FNIP1: variants seen among roughly 807,000 people sequenced by gnomAD.
FNIP1 encodes folliculin-interacting protein 1.
In FNIP1, 40 loss-of-function variants were observed where a neutral mutation model predicts 124.5. The ratio of observed to expected loss-of-function variants is 0.32; its 90% CI spans 0.25 to 0.42. The LOEUF (loss-of-function observed/expected upper bound fraction) is 0.42, where lower values mean the gene tolerates loss of function less well. FNIP1 is among the 10% of genes least tolerant of loss of function. The pLI, the probability that FNIP1 is intolerant of heterozygous loss-of-function variation, is 1.00. For missense variants in FNIP1, 1,176 were observed against 1,403.7 expected, an observed-to-expected ratio of 0.84 and a Z score of 2.59; for synonymous variants, 472 against 470.6, an observed-to-expected ratio of 1.00 and a Z score of -0.04.
rs10625130 is a variant in FNIP1 at position 131,647,416 on chromosome 5, C to CTTT, written c.3307-214_3307-212dup. Among the ~76,000 whole-genome samples, 1,104 of 147,022 alleles carry CTTT rather than the reference C, an allele frequency of 7.5e-3. 7 individuals carry two copies. The highest frequency in any genetic ancestry group is 0.016 in the African/African-American group (655 of 40,176). On this transcript the variant is annotated intron_variant, in intron 16 of 17. Transcript: ENST00000510461. ...TATCAAAGATTAGCTTCTACAGCGT[C>CTTT]TTTTTTTTTTTTTAACTGTGCAAAA...
intron 2 of FNIP1, among the ~76,000 whole-genome samples, chr5:131,733,265 C>T (rs910728709): frequency 2.6e-5 from 4 of 152,196 alleles, no homozygotes; most frequent in Admixed American, 6.5e-5. Context: ...ACAATCATGT[C>T]ATCTGCAAAC....
Position 131,706,519 on chromosome 5 carries a change from G to C in FNIP1, c.806C>G (p.Pro269Arg), listed in dbSNP as rs766384197. The C allele has an allele frequency of 1.9e-6, 3 of 1,610,970 alleles. No individual in the cohort carries two copies. The highest frequency in any genetic ancestry group is 2.5e-6 in the Non-Finnish European group (3 of 1,178,458). The change falls in exon 9 of 18, where the codon CCA becomes CGA. Residue 269 changes from proline (P) to arginine (R), a missense_variant. By Grantham distance (103) the Pro-to-Arg change is moderately radical. Transcript: ENST00000510461. ...SASLSSLLIT[P>R]FPSPNSSLTR... is the part of the protein sequence containing the mutation. The stretch of plus-strand genomic sequence containing the variant: ...AAGTGAGGAGTTTGGGGAAGGAAAT[G>C]GAGTGATCAGCAAGCTGCTGAGAGA...
rs770059473 is a variant in FNIP1, at chr5:131,678,979, T to C, written c.1349+50A>G. Reference sequence around the variant, plus strand: ...ATGGATGATTCTTCCACATCTGTAATTGAGTTTGATTACAATCTAGATATC... The same window carrying C: ...ATGGATGATTCTTCCACATCTGTAACTGAGTTTGATTACAATCTAGATATC... On this transcript the variant is annotated intron_variant, in intron 12 of 17. Coordinates refer to ENST00000510461, the MANE Select transcript of FNIP1 (RefSeq NM_133372.3). The C allele has an allele frequency of 8.7e-6, 11 of 1,265,872 alleles. No homozygotes were observed. In the South Asian group the frequency reaches 1.1e-4, roughly 13 times the overall value. The allele number at this position is 1,265,872 out of a possible 1,614,324, so 78.4% of individuals were successfully genotyped here. A position where few individuals can be genotyped will look rare whatever the true frequency, so the allele number is the denominator to read the frequency against.
chr5:131,766,619 C>T (rs533141403), intron 1 of FNIP1, among the ~76,000 whole-genome samples: 1 of 152,230 alleles, frequency 6.6e-6, no homozygotes, highest in African/African-American at 2.4e-5. Flanking sequence ...ATTACAGAGG[C>T]TGAGAAGTCC....
chr5:131,796,863 C>T lies in FNIP1; in HGVS notation c.59G>A (p.Gly20Asp). 1.2e-6 allele frequency: 2 copies of T among 1,606,570 alleles called. No homozygotes were observed. Among genetic ancestry groups the T allele is most frequent in the Non-Finnish European group, 1.7e-6 (2 of 1,177,244 alleles). Residue 20 changes from glycine (G) to aspartate (D), a missense_variant, in exon 1 of 18, where the codon GGC (glycine) becomes GAC (aspartate). By Grantham distance (94) the Gly-to-Asp change is moderately conservative. Coordinates refer to ENST00000510461, the MANE Select transcript of FNIP1 (RefSeq NM_133372.3). The stretch of plus-strand genomic sequence containing the variant: ...GCAATCTGGGTCCCGGGCGTCGCGG[C>T]CGGGCGCGCCCAGCCCGGTCCTCTT... Reference protein sequence around the residue: ...FSKRTGLGAPGRDARDPDCGF... With the variant: ...FSKRTGLGAPDRDARDPDCGF...
At chr5:131,728,741 A>C (rs1367037930) in intron 3 of FNIP1, among the ~76,000 whole-genome samples, 1 of 152,000 alleles carries the variant, frequency 6.6e-6, no homozygotes, top group Non-Finnish European at 1.5e-5. Flanking sequence ...AGGTGTTGTG[A>C]TCCTTTGGAG....
At position 131,693,347 on chromosome 5, in the gene FNIP1, T is replaced by TATATATATAC. The variant is rs1561658475; in HGVS notation, c.1202+5569_1202+5570insGTATATATAT. ...ATATATATATACATATATATATATA[T>TATATATATAC]ATATATATATATATAGTTACAGAGA... On this transcript the variant is annotated intron_variant, in intron 11 of 17. Transcript: ENST00000510461. 2.4e-5 allele frequency among the ~76,000 whole-genome samples: 3 copies of TATATATATAC among 127,278 alleles called. 1 individual carries two copies. Among genetic ancestry groups the TATATATATAC allele is most frequent in the Admixed American group, 7.9e-5 (1 of 12,580 alleles). The allele number at this position is 127,278 out of a possible 152,430, so 83.5% of individuals were successfully genotyped here. A position where few individuals can be genotyped will look rare whatever the true frequency, so the allele number is the denominator to read the frequency against.
intron 1 of FNIP1, among the ~76,000 whole-genome samples, chr5:131,746,034 A>G (rs1770666725): frequency 6.6e-6 from 1 of 152,224 alleles, no homozygotes; most frequent in Non-Finnish European, 1.5e-5. Context: ...TTTACTTTAC[A>G]GTATGTATTT....
chr5:131,656,420 T>C (rs780411579), intron 15 of FNIP1, among the ~76,000 whole-genome samples: 2 of 152,214 alleles, frequency 1.3e-5, no homozygotes, highest in Non-Finnish European at 2.9e-5. Flanking sequence ...TTTTGCAGAA[T>C]ACCTTTTAAA....
intron 13 of FNIP1, among the ~76,000 whole-genome samples, chr5:131,673,681 G>C (rs1222819931): frequency 1.3e-5 from 2 of 152,174 alleles, no homozygotes; most frequent in African/African-American, 4.8e-5. Context: ...GAAAGGAGTA[G>C]TGGTAAAATG....
intron 11 of FNIP1, among the ~76,000 whole-genome samples, chr5:131,682,696 G>A (rs575383539): frequency 4.6e-5 from 7 of 151,516 alleles, no homozygotes; most frequent in South Asian, 2.1e-4. Context: ...CAGCCTGGGC[G>A]GTAGAGCAAG....
At chr5:131,788,694 CAAAA>C (rs10715343) in intron 1 of FNIP1, among the ~76,000 whole-genome samples, 1 of 58,130 alleles carries the variant, frequency 1.7e-5, no homozygotes, top group Non-Finnish European at 3.9e-5. Context: ...GACTCTGTCT[CAAAA>C]AAAAAAAAAA....
intron 1 of FNIP1, among the ~76,000 whole-genome samples, chr5:131,778,405 T>C (rs1047850070): frequency 1.3e-5 from 2 of 151,838 alleles, no homozygotes; most frequent in Non-Finnish European, 2.9e-5. Flanking sequence ...ATGCTCATCA[T>C]CACTGGCCAT....
chr5:131,777,964 T>C (rs1213885428), intron 1 of FNIP1, among the ~76,000 whole-genome samples: 1 of 152,230 alleles, frequency 6.6e-6, no homozygotes. Context: ...ATGAGGTGAA[T>C]GGTTGATAGG....
At chr5:131,763,130 GAATT>G (rs1246194012) in intron 1 of FNIP1, among the ~76,000 whole-genome samples, 1 of 152,122 alleles carries the variant, frequency 6.6e-6, no homozygotes, top group South Asian at 2.1e-4. Context: ...CAGTCAACAA[GAATT>G]TATTGTACAT....
chr5:131,766,361 C>T (rs1580821625), intron 1 of FNIP1, among the ~76,000 whole-genome samples: 1 of 152,106 alleles, frequency 6.6e-6, no homozygotes, highest in East Asian at 1.9e-4. Flanking sequence ...TAAAGCCCTG[C>T]CCCTACTTAT....
intron 2 of FNIP1, among the ~76,000 whole-genome samples, chr5:131,736,055 G>A (rs141829430): frequency 6.6e-6 from 1 of 152,068 alleles, no homozygotes; most frequent in African/African-American, 2.4e-5. Flanking sequence ...GATTACAGGT[G>A]TGAGCCACTG....
At chr5:131,751,572 A>G (rs1466855622) in intron 1 of FNIP1, among the ~76,000 whole-genome samples, 1 of 126,804 alleles carries the variant, frequency 7.9e-6, no homozygotes, top group Non-Finnish European at 1.8e-5. Flanking sequence ...CCACAATCTG[A>G]AAAAAAAAAA....
chr5:131,657,748 A>C (rs532954177), intron 15 of FNIP1, among the ~76,000 whole-genome samples: 1 of 151,096 alleles, frequency 6.6e-6, no homozygotes, highest in East Asian at 1.9e-4. Context: ...AAAAAAAAAA[A>C]AAAAAAAAAA....
Sources: allele counts gnomAD v4.1 joint callset (sites outside exome capture counted in the v4.1 genomes callset), GRCh38; gene constraint gnomAD v4.1.1; transcripts MANE v1.5; gene names NCBI Gene and HGNC (gene_info 2026-07-23, HGNC 2026-07-21).